Variants in MCTP2 observed in about 807,000 individuals in gnomAD.
MCTP2 encodes multiple C2 and transmembrane domain-containing protein 2.
MCTP2 carries 132 observed loss-of-function variants against 111.6 expected under a neutral mutation model. The observed-to-expected ratio is 1.18, with a 90% CI of 1.03 to 1.37. The LOEUF (loss-of-function observed/expected upper bound fraction) is 1.37, where lower values mean the gene tolerates loss of function less well. MCTP2 is among the 40% of genes most tolerant of loss of function. MCTP2 has a pLI of 0.00. For missense variants in MCTP2, 1,183 were observed against 1,067.9 expected, an observed-to-expected ratio of 1.11 and a Z score of -1.50; for synonymous variants, 395 against 387.7, an observed-to-expected ratio of 1.02 and a Z score of -0.22.
chr15:94,298,803 T>TCCCCGTCTCC, intron 2 of MCTP2, 73 bp downstream of exon 2: 1 of 946,486 alleles, frequency 1.1e-6, no homozygotes, highest in Non-Finnish European at 1.5e-6. Context: ...TCTCCCTCTC[T>TCCCCGTCTCC]CCCCATCTCC....
At chr15:94,434,093 CTTT>C (rs145320801) in intron 17 of MCTP2, among the ~76,000 whole-genome samples, 10 of 149,122 alleles carry the variant, frequency 6.7e-5, no homozygotes, top group Non-Finnish European at 1.5e-4. Context: ...TTGATGAAGT[CTTT>C]TTTTTTTATT....
At chr15:94,414,043 A>G (rs539454626) in intron 17 of MCTP2, among the ~76,000 whole-genome samples, 2 of 152,284 alleles carry the variant, frequency 1.3e-5, no homozygotes, top group East Asian at 3.9e-4. Context: ...TGCAGTGTAC[A>G]TTTTCAAGGT....
rs118098217 is a variant in MCTP2, at chr15:94,329,304, T to C, written c.638-9986T>C. ...CCTTTAAAAAAAATTTTTTATTACA[T>C]GTATTTAAGGCACAACATGATGTTT... is the stretch of plus-strand genomic sequence containing the variant. On this transcript the variant is annotated intron_variant, in intron 4 of 22. Transcript: ENST00000357742. Among the ~76,000 whole-genome samples the C allele has an allele frequency of 8.5e-3, 1,288 of 152,312 alleles. 11 individuals are homozygous for C. Among genetic ancestry groups the C allele is most frequent in the African/African-American group, 0.024 (996 of 41,572 alleles).
intron 14 of MCTP2, 76 bp from the exon 15 acceptor site, chr15:94,398,885 A>C: frequency 1.2e-6 from 1 of 832,182 alleles, no homozygotes; most frequent in Non-Finnish European, 2.0e-6. Context: ...ATTTTGCCAA[A>C]GTTAGTTTTG....
chr15:94,430,747 G>A (rs1052504953), intron 17 of MCTP2, among the ~76,000 whole-genome samples: 6 of 151,756 alleles, frequency 4.0e-5, no homozygotes, highest in Non-Finnish European at 5.9e-5. Flanking sequence ...GTGAGACTAC[G>A]TCTCAAAAAT....
chr15:94,298,826 C>A, intron 2 of MCTP2, 96 bp downstream of exon 2: 1 of 448,074 alleles, frequency 2.2e-6, no homozygotes, highest in Non-Finnish European at 3.4e-6. Flanking sequence ...CTCTCTTCCC[C>A]CCTCCCCCTC....
At chr15:94,401,784 A>T (rs951423343) in intron 16 of MCTP2, 116 bp from the exon 17 acceptor site, 2 of 670,044 alleles carry the variant, frequency 3.0e-6, no homozygotes, top group South Asian at 6.6e-5. Flanking sequence ...TATTATTATC[A>T]TATTTTAAAA....
chr15:94,449,400 T>C lies in MCTP2; in HGVS notation c.2250+6440T>C, dbSNP rs1325964332. On this transcript the variant is annotated intron_variant, in intron 19 of 22. Transcript: ENST00000357742. ...CATATATGAGATTTCTCAGCCAGGATAGTGGCAACACTCAAACCCATCTCT... is the reference window on the plus strand; with the variant it reads ...CATATATGAGATTTCTCAGCCAGGACAGTGGCAACACTCAAACCCATCTCT... 9.9e-4 allele frequency among the ~76,000 whole-genome samples: 151 copies of C among 151,962 alleles called. 2 individuals carry two copies. The highest frequency in any genetic ancestry group is 1.9e-4 in the East Asian group (1 of 5,186).
intron 1 of MCTP2, among the ~76,000 whole-genome samples, chr15:94,293,344 T>C (rs2075113907): frequency 6.6e-6 from 1 of 152,166 alleles, no homozygotes; most frequent in African/African-American, 2.4e-5. Context: ...TTTAAAGAAC[T>C]CTCATAACTC....
intron 1 of MCTP2, among the ~76,000 whole-genome samples, chr15:94,245,803 C>T (rs2071946386): frequency 6.6e-6 from 1 of 150,778 alleles, no homozygotes; most frequent in South Asian, 2.1e-4. Flanking sequence ...TTCATTGGAG[C>T]ACATACCTAC....
intron 19 of MCTP2, among the ~76,000 whole-genome samples, chr15:94,449,453 G>T (rs1308295732): frequency 1.3e-5 from 2 of 152,142 alleles, no homozygotes; most frequent in Admixed American, 6.5e-5. Context: ...TTTTGACCAT[G>T]CTCCGTTATT....
intron 18 of MCTP2, among the ~76,000 whole-genome samples, chr15:94,441,782 T>G (rs2083796705): frequency 6.6e-6 from 1 of 152,202 alleles, no homozygotes; most frequent in East Asian, 1.9e-4. Context: ...TAAAGACTTC[T>G]CCCAATTATA....
At chr15:94,245,577 CGTATATGTACATATACGTAT>C (rs2071893835) in intron 1 of MCTP2, among the ~76,000 whole-genome samples, 1 of 139,448 alleles carries the variant, frequency 7.2e-6, no homozygotes, top group African/African-American at 2.6e-5. Context: ...TGTATATATA[CGTATATGTACATATACGTAT>C]ATAGACATAT....
At chr15:94,428,911 C>T (rs1041763674) in intron 17 of MCTP2, among the ~76,000 whole-genome samples, 8 of 152,068 alleles carry the variant, frequency 5.3e-5, no homozygotes, top group African/African-American at 1.7e-4. Flanking sequence ...TTAACAGAAC[C>T]TCAGGTAAGC....
At position 94,233,550 on chromosome 15, in the gene MCTP2, C is replaced by G. The variant is rs543999212; in HGVS notation, c.-66+1886C>G. On this transcript the variant is annotated intron_variant, in intron 1 of 22. Coordinates refer to ENST00000357742, the MANE Select transcript of MCTP2 (RefSeq NM_001385001.1). The stretch of plus-strand genomic sequence containing the variant: ...TTACAGCTGCAAGATGATTAGCGGT[C>G]TCTTGTCACCTGGAAAGGACTTTGT... 7.2e-5 allele frequency among the ~76,000 whole-genome samples: 11 copies of G among 152,148 alleles called. No homozygotes were observed. In the East Asian group the frequency reaches 2.1e-3, roughly 30 times the overall value.
At chr15:94,453,876 C>A (rs1437520787) in intron 19 of MCTP2, among the ~76,000 whole-genome samples, 1 of 152,082 alleles carries the variant, frequency 6.6e-6, no homozygotes, top group Non-Finnish European at 1.5e-5. Context: ...CCAAGAAAAT[C>A]ATTTCTGAAA....
At chr15:94,429,026 C>T (rs2083028980) in intron 17 of MCTP2, among the ~76,000 whole-genome samples, 1 of 152,148 alleles carries the variant, frequency 6.6e-6, no homozygotes, top group African/African-American at 2.4e-5. Flanking sequence ...TTCTCTTCTG[C>T]CTTGAACTTT....
intron 14 of MCTP2, among the ~76,000 whole-genome samples, chr15:94,386,425 T>C (rs1277019966): frequency 1.3e-5 from 2 of 152,226 alleles, no homozygotes; most frequent in Non-Finnish European, 2.9e-5. Context: ...TCACTTGATG[T>C]TTACAGAGGG....
rs184678012 is a variant in MCTP2 at position 94,295,671 on chromosome 15, G to A, written c.-65-2530G>A. 3.4e-3 allele frequency among the ~76,000 whole-genome samples: 519 copies of A among 151,986 alleles called. 4 individuals are homozygous for A. The highest frequency in any genetic ancestry group is 0.012 in the African/African-American group (506 of 41,444). On this transcript the variant is annotated intron_variant, in intron 1 of 22. Coordinates refer to ENST00000357742, the MANE Select transcript of MCTP2 (RefSeq NM_001385001.1). ...CCATATATATTACTTTCTTTACAAC[G>A]GACTTTTCAGTTATTTAAATATTTT...
Sources: gnomAD v4.1 joint callset for allele counts (sites outside exome capture counted in the v4.1 genomes callset) on GRCh38, gnomAD v4.1.1 for gene constraint, MANE v1.5 for transcripts, NCBI Gene and HGNC (gene_info 2026-07-23, HGNC 2026-07-21) for gene names.